ACAD8: variants seen among roughly 807,000 people sequenced by gnomAD.
ACAD8 encodes the protein isobutyryl-CoA dehydrogenase, mitochondrial.
In ACAD8, 47 loss-of-function variants were observed where a neutral mutation model predicts 53.1. The observed-to-expected ratio is 0.89, with a 90% CI of 0.70 to 1.13. ACAD8 has a LOEUF of 1.13. Among genes scored for constraint, ACAD8 ranks in the 50% most tolerant of loss-of-function variants. The probability of loss-of-function intolerance (pLI) is 0.00; values close to 1 mark genes in which losing one functional copy is unlikely to be tolerated. For synonymous variants in ACAD8, 198 were observed against 201.3 expected, an observed-to-expected ratio of 0.98 and a Z score of 0.14; for missense variants, 494 against 535.0, an observed-to-expected ratio of 0.92 and a Z score of 0.76.
intron 1 of ACAD8, among the ~76,000 whole-genome samples, chr11:134,255,465 C>G (rs3758924): frequency 0.37 from 56,295 of 151,798 alleles, 10,627 homozygotes; most frequent in African/African-American, 0.46. Flanking sequence ...AACCCCAGCA[C>G]TGCTACCTAG....
intron 10 of ACAD8, among the ~76,000 whole-genome samples, chr11:134,264,585 T>C (rs1363203579): frequency 6.6e-6 from 1 of 152,266 alleles, no homozygotes; most frequent in Non-Finnish European, 1.5e-5. Context: ...CATCTCCTTT[T>C]AGGCATTTTA....
rs2136082667 is a variant in ACAD8, at chr11:134,261,342, G to A, written c.909G>A (p.Lys303=). ...CCCGAGACCACCTCAATGTCCGGAAGCAGTTTGGAGAGCCTCTGGCCAGTA... is the reference window on the plus strand; with the variant it reads ...CCCGAGACCACCTCAATGTCCGGAAACAGTTTGGAGAGCCTCTGGCCAGTA... ...ILTRDHLNVR[K]QFGEPLASNQ... Residue 303 remains lysine (K), a synonymous_variant, in exon 8 of 11, where the codon AAG becomes AAA. Coordinates refer to ENST00000281182, the MANE Select transcript of ACAD8 (RefSeq NM_014384.3). This position sits in a 1 kb window ranked among gnomAD's most constrained non-coding sequence, Gnocchi z 4.2. 2 of 1,614,144 alleles carry A rather than the reference G, an allele frequency of 1.2e-6. No homozygotes were observed. The highest frequency in any genetic ancestry group is 1.7e-6 in the Non-Finnish European group (2 of 1,180,038).
intron 10 of ACAD8, chr11:134,263,149 A>G: frequency 9.3e-7 from 1 of 1,077,906 alleles, no homozygotes; most frequent in Non-Finnish European, 1.1e-6. Flanking sequence ...GGAAACATGG[A>G]AGCCGTTGGG....
At chr11:134,263,612 G>C (rs1940029899) in intron 10 of ACAD8, 1 of 985,494 alleles carries the variant, frequency 1.0e-6, no homozygotes, top group Non-Finnish European at 1.2e-6. Flanking sequence ...TATGGGCTCA[G>C]TCGCCAGTGT....
intron 3 of ACAD8, among the ~76,000 whole-genome samples, chr11:134,257,492 T>G (rs1296024226): frequency 6.6e-6 from 1 of 152,000 alleles, no homozygotes; most frequent in East Asian, 2.0e-4. Flanking sequence ...GCCAACGTGG[T>G]GAAACCCCGT....
chr11:134,257,208 G>C lies in ACAD8; in HGVS notation c.331G>C (p.Ala111Pro). Reference sequence around the variant, plus strand: ...TCTTGATACCTCTGTCATTTTTGAAGCCTTGGCTACAGGCTGCACCAGCAC... The same window carrying C: ...TCTTGATACCTCTGTCATTTTTGAACCCTTGGCTACAGGCTGCACCAGCAC... The part of the protein sequence containing the change: ...SRLDTSVIFE[A>P]LATGCTSTTA... Residue 111 changes from alanine to proline, a missense_variant, in exon 3 of 11, where the codon GCC becomes CCC. Coordinates refer to ENST00000281182, the MANE Select transcript of ACAD8 (RefSeq NM_014384.3). 1 of 1,614,182 alleles carries C rather than the reference G, an allele frequency of 6.2e-7. No homozygotes were observed. The highest frequency in any genetic ancestry group is 1.1e-5 in the South Asian group (1 of 91,088).
chr11:134,253,724 G>C lies in ACAD8; in HGVS notation c.109+15G>C. The C allele has an allele frequency of 6.3e-7, 1 of 1,578,636 alleles. No individual in the cohort carries two copies. Among genetic ancestry groups the C allele is most frequent in the East Asian group, 2.3e-5 (1 of 42,880 alleles). On this transcript the variant is annotated intron_variant, in intron 1 of 10. Transcript: ENST00000281182. Reference sequence around the variant, plus strand: ...CTGCATCGACCGTAAGGATCTCCTGGCGGGCAGTAGGACAGGTGTCCAGAA... The same window carrying C: ...CTGCATCGACCGTAAGGATCTCCTGCCGGGCAGTAGGACAGGTGTCCAGAA...
At position 134,253,607 on chromosome 11, in the gene ACAD8, TG is replaced by T. The variant is rs1186819953; in HGVS notation, c.9del (p.Trp3Ter). On this transcript the variant is annotated frameshift_variant, in exon 1 of 11. Coordinates refer to ENST00000281182, the MANE Select transcript of ACAD8 (RefSeq NM_014384.3). LOFTEE classifies it high-confidence loss of function. The stretch of plus-strand genomic sequence containing the variant: ...ACGCGGAGCTGCGGCGGCTATGCTG[TG>T]GAGCGGCTGCCGGCGTTTCGGGGCG... The part of the protein sequence containing the change: ML[W>X]SGCRRFGARL... 1.3e-6 allele frequency: 2 copies of T among 1,579,940 alleles called. No individual in the cohort carries two copies. Among genetic ancestry groups the T allele is most frequent in the Non-Finnish European group, 8.6e-7 (1 of 1,166,368 alleles).
rs7935530 is a variant in ACAD8, at chr11:134,259,342, G to T, written c.567+258G>T. On this transcript the variant is annotated intron_variant, in intron 5 of 10. Transcript: ENST00000281182. ...CTCTCTGATCTGCAGTCACTGCAGC[G>T]ACCTTTTACCTCACCTCAGTCTCTG... 0.012 allele frequency: 8,071 copies of T among 663,550 alleles called. 580 individuals are homozygous for T. In the African/African-American group the frequency reaches 0.14, roughly 11 times the overall value. 41.1% of individuals were successfully genotyped at this position (663,550 alleles called of 1,614,324 possible).
chr11:134,257,161 TG>T lies in ACAD8; in HGVS notation c.287del (p.Gly96AlafsTer28), dbSNP rs747015506. ...GFGGVYIQTD[V>X]GGSGLSRLDT... ...GGAGGGGTCTACATACAAACAGATG[TG>T]GGCGGGTCTGGGCTGTCACGTCTTG... On this transcript the variant is annotated frameshift_variant, in exon 3 of 11. Coordinates refer to ENST00000281182, the MANE Select transcript of ACAD8 (RefSeq NM_014384.3). LOFTEE classifies it high-confidence loss of function. 12 of 1,614,146 alleles carry T rather than the reference TG, an allele frequency of 7.4e-6. No homozygotes were observed. The highest frequency in any genetic ancestry group is 1.0e-5 in the Non-Finnish European group (12 of 1,180,032).
In ACAD8 at chr11:134,261,848, G is replaced by A; in HGVS notation, c.1050G>A (p.Leu350=). The A allele has an allele frequency of 6.2e-7, 1 of 1,614,220 alleles. No individual in the cohort carries two copies. Among genetic ancestry groups the A allele is most frequent in the South Asian group, 1.1e-5 (1 of 91,090 alleles). Residue 350 remains leucine, a synonymous_variant, in exon 9 of 11, where the codon TTG becomes TTA. Coordinates refer to ENST00000281182, the MANE Select transcript of ACAD8 (RefSeq NM_014384.3). This position sits in a 1 kb window ranked among gnomAD's most constrained non-coding sequence, Gnocchi z 4.2. ...LQEERKDAVA[L]CSMAKLFATD... ...AGGAGAGGAAGGATGCAGTGGCCTT[G>A]TGCTCCATGGCCAAGCTCTTTGCTA...
intron 10 of ACAD8, 53 bp from the exon 11 acceptor site, chr11:134,264,855 A>G (rs1037788673): frequency 1.8e-5 from 28 of 1,546,364 alleles, no homozygotes; most frequent in Non-Finnish European, 2.3e-5. Context: ...GAGCTTTACT[A>G]AACTCTCAGA....
At position 134,265,613 on chromosome 11, in the gene ACAD8, T is replaced by C. The variant is rs553378384; in HGVS notation, c.*653T>C. ...GTTTCATGTTAAGAAGCCTGTGGTCTAGGAGTGCTATTCAGTGTTTCTTTT... is the reference window on the plus strand; with the variant it reads ...GTTTCATGTTAAGAAGCCTGTGGTCCAGGAGTGCTATTCAGTGTTTCTTTT... On this transcript the variant is annotated 3_prime_UTR_variant, in exon 11 of 11. Coordinates refer to ENST00000281182, the MANE Select transcript of ACAD8 (RefSeq NM_014384.3). The C allele has an allele frequency of 1.3e-5, 2 of 152,492 alleles. No homozygotes were observed. Among genetic ancestry groups the C allele is most frequent in the South Asian group, 4.1e-4 (2 of 4,838 alleles). 9.4% of individuals were successfully genotyped at this position (152,492 alleles called of 1,614,324 possible). A position where few individuals can be genotyped will look rare whatever the true frequency, so the allele number is the denominator to read the frequency against.
intron 9 of ACAD8, chr11:134,262,293 G>A (rs774710858): frequency 4.5e-6 from 3 of 666,204 alleles, no homozygotes; most frequent in Middle Eastern, 2.4e-4. Flanking sequence ...AGGGAGAGGG[G>A]CAGAGGGCTT....
At chr11:134,254,174 G>A (rs1385237795) in intron 1 of ACAD8, among the ~76,000 whole-genome samples, 1 of 152,208 alleles carries the variant, frequency 6.6e-6, no homozygotes, top group Non-Finnish European at 1.5e-5. Flanking sequence ...CATAACAGTA[G>A]GTCATAAAAG....
chr11:134,257,554 T>C (rs1023782997), intron 3 of ACAD8, among the ~76,000 whole-genome samples: 7 of 151,914 alleles, frequency 4.6e-5, no homozygotes, highest in African/African-American at 1.7e-4. Flanking sequence ...GCGCCTGTAG[T>C]CCCAGCTACT....
intron 1 of ACAD8, 63 bp from the exon 2 acceptor site, chr11:134,256,485 T>C (rs1198108116): frequency 7.3e-7 from 1 of 1,363,700 alleles, no homozygotes; most frequent in Non-Finnish European, 1.0e-6. Context: ...TGCTTCTTGT[T>C]GGCAACACCT....
rs938545157 is a variant in ACAD8, at chr11:134,258,506, A to G, written c.381-9A>G. On this transcript the variant is annotated splice_polypyrimidine_tract_variant and intron_variant, in intron 3 of 10. Transcript: ENST00000281182. Reference sequence around the variant, plus strand: ...TGTCATTGTCTTTTCTTCTTGGTGTACCTATCAGCATGTGTGCCTGGATGA... The same window carrying G: ...TGTCATTGTCTTTTCTTCTTGGTGTGCCTATCAGCATGTGTGCCTGGATGA... 3.8e-6 allele frequency: 6 copies of G among 1,588,166 alleles called. No homozygotes were observed. The African/African-American group carries it at 8.2e-5, about 22-fold the overall frequency.
Position 134,261,434 on chromosome 11 carries a change from G to A in ACAD8, c.939+62G>A. On this transcript the variant is annotated intron_variant, in intron 8 of 10. Coordinates refer to ENST00000281182, the MANE Select transcript of ACAD8 (RefSeq NM_014384.3). The surrounding 1 kb of genome is among the most constrained non-coding windows in gnomAD (Gnocchi z 4.2). ...TTTGCAGCCCGGGACCTGCTCTAGG[G>A]CCCACATTTCCAGGAGAGAAGCCAG... The A allele has an allele frequency of 1.9e-5, 30 of 1,576,882 alleles. No individual in the cohort carries two copies. In the South Asian group the frequency reaches 3.1e-4, roughly 16 times the overall value.
Sources: gnomAD v4.1 joint callset for allele counts (sites outside exome capture counted in the v4.1 genomes callset) on GRCh38, gnomAD v4.1.1 for gene constraint, Gnocchi (gnomAD v3.1) non-coding constraint, MANE v1.5 for transcripts, NCBI Gene and HGNC (gene_info 2026-07-23, HGNC 2026-07-21) for gene names.